ARPC1A: variants seen among roughly 807,000 people sequenced by gnomAD.
ARPC1A encodes actin-related protein 2/3 complex subunit 1A.
Under a neutral mutation model 46.9 loss-of-function variants are expected in ARPC1A, and 8 were observed. The ratio of observed to expected loss-of-function variants is 0.17; its 90% CI spans 0.10 to 0.31. ARPC1A has a LOEUF of 0.31. Ranked by LOEUF, ARPC1A falls within the 10% of genes least tolerant of loss-of-function variation. The probability of loss-of-function intolerance (pLI) is 1.00; values close to 1 mark genes in which losing one functional copy is unlikely to be tolerated. For missense variants in ARPC1A, 286 were observed against 483.6 expected (o/e 0.59, Z 3.83); for synonymous variants, 152 against 169.0 (o/e 0.90, Z 0.78).
intron 8 of ARPC1A, among the ~76,000 whole-genome samples, chr7:99,361,368 T>TTGGC (rs759440206): frequency 1.3e-5 from 2 of 151,806 alleles, no homozygotes; most frequent in Non-Finnish European, 2.9e-5. Context: ...GCTGGCTGTG[T>TTGGC]TGGCACGCAC....
At chr7:99,343,892 T>C (rs1793395540) in intron 3 of ARPC1A, among the ~76,000 whole-genome samples, 1 of 152,200 alleles carries the variant, frequency 6.6e-6, no homozygotes, top group South Asian at 2.1e-4. Flanking sequence ...TGTTGGTTAA[T>C]ATCATAGAAT....
intron 5 of ARPC1A, 92 bp downstream of exon 5, chr7:99,349,051 G>A: frequency 7.7e-7 from 1 of 1,295,096 alleles, no homozygotes; most frequent in Non-Finnish European, 1.1e-6. Flanking sequence ...TTTTTGTTTT[G>A]TTGTGGTTGT....
chr7:99,342,233 C>G (rs947893147), intron 3 of ARPC1A, among the ~76,000 whole-genome samples: 13 of 152,244 alleles, frequency 8.5e-5, no homozygotes, highest in African/African-American at 3.1e-4. Context: ...TTTCAGTTTG[C>G]ATCTCTAAAA....
intron 7 of ARPC1A, among the ~76,000 whole-genome samples, chr7:99,358,969 C>G (rs1007176315): frequency 1.3e-5 from 2 of 151,916 alleles, no homozygotes; most frequent in African/African-American, 4.8e-5. Flanking sequence ...GTAGCTGGGA[C>G]TACAGGCGCC....
chr7:99,350,197 A>G lies in ARPC1A; in HGVS notation c.500+1238A>G, dbSNP rs143558799. On this transcript the variant is annotated intron_variant, in intron 5 of 9. Coordinates refer to ENST00000262942, the MANE Select transcript of ARPC1A (RefSeq NM_006409.4). ...GATTTCCTTAAGTGTAAGAATATCT[A>G]TGGTTTAGAGGGGAGGATTAGCATG... Among the ~76,000 whole-genome samples the G allele has an allele frequency of 3.5e-3, 533 of 152,190 alleles. 1 individual carries two copies. Among genetic ancestry groups the G allele is most frequent in the African/African-American group, 0.012 (496 of 41,552 alleles).
intron 6 of ARPC1A, among the ~76,000 whole-genome samples, chr7:99,355,637 G>T (rs192988661): frequency 6.6e-6 from 1 of 151,838 alleles, no homozygotes; most frequent in South Asian, 2.1e-4. Context: ...CCAGCTACTC[G>T]GGAGGCTGAG....
chr7:99,342,135 G>A (rs758144148), intron 3 of ARPC1A, among the ~76,000 whole-genome samples: 1 of 152,078 alleles, frequency 6.6e-6, no homozygotes, highest in Non-Finnish European at 1.5e-5. Flanking sequence ...CACGATTATC[G>A]AGTAACAGCC....
At chr7:99,326,339 T>G (rs1793047549) in intron 1 of ARPC1A, among the ~76,000 whole-genome samples, 1 of 152,202 alleles carries the variant, frequency 6.6e-6, no homozygotes, top group Non-Finnish European at 1.5e-5. Context: ...TCTCCCGTAA[T>G]CGAGCGACCC....
rs997478963 is a variant in ARPC1A at position 99,366,090 on chromosome 7, T to G, written c.*161T>G. On this transcript the variant is annotated 3_prime_UTR_variant, in exon 10 of 10. Transcript: ENST00000262942. ...AATATAAAATTGGTGAAAGTGTTGG[T>G]TTTTTTAAGGCAGTAATTTTTTTGT... The G allele has an allele frequency of 1.0e-5, 9 of 863,598 alleles. No homozygotes were observed. Among genetic ancestry groups the G allele is most frequent in the Middle Eastern group, 3.5e-4 (1 of 2,850 alleles). The allele number at this position is 863,598 out of a possible 1,614,324, so 53.5% of individuals were successfully genotyped here.
intron 3 of ARPC1A, among the ~76,000 whole-genome samples, chr7:99,342,717 T>C (rs1047932663): frequency 1.1e-5 from 1 of 89,422 alleles, no homozygotes; most frequent in Non-Finnish European, 1.9e-5. Context: ...TTCATACTAC[T>C]TTTTTTTTTT....
At chr7:99,354,231 A>G in intron 6 of ARPC1A, 110 bp downstream of exon 6, 5 of 1,289,596 alleles carry the variant, frequency 3.9e-6, no homozygotes, top group Non-Finnish European at 5.3e-6. Flanking sequence ...AAACATAAAA[A>G]CCTTAATCAG....
At chr7:99,344,648 T>C in intron 4 of ARPC1A, 133 bp downstream of exon 4, 1 of 942,960 alleles carries the variant, frequency 1.1e-6, no homozygotes, top group East Asian at 2.6e-5. Context: ...CTCGATTCTG[T>C]CTGAGCATTT....
At chr7:99,329,490 T>C (rs1793108631) in intron 1 of ARPC1A, among the ~76,000 whole-genome samples, 1 of 152,232 alleles carries the variant, frequency 6.6e-6, no homozygotes, top group South Asian at 2.1e-4. Context: ...TAATTCAAGC[T>C]ATTAGGAATT....
At chr7:99,343,830 A>G (rs956082884) in intron 3 of ARPC1A, among the ~76,000 whole-genome samples, 1 of 152,166 alleles carries the variant, frequency 6.6e-6, no homozygotes, top group African/African-American at 2.4e-5. Flanking sequence ...TACACTAAAG[A>G]TTATTTTTAT....
At chr7:99,335,694 C>A (rs886164049) in intron 2 of ARPC1A, among the ~76,000 whole-genome samples, 1 of 152,130 alleles carries the variant, frequency 6.6e-6, no homozygotes, top group African/African-American at 2.4e-5. Context: ...GTGGCTCATA[C>A]CTGTAATCCC....
chr7:99,331,093 T>C (rs1793136983), intron 1 of ARPC1A, among the ~76,000 whole-genome samples: 1 of 152,226 alleles, frequency 6.6e-6, no homozygotes, highest in Non-Finnish European at 1.5e-5. Context: ...TTCTATATAT[T>C]TTCTGTCCTG....
At position 99,348,771 on chromosome 7, in the gene ARPC1A, A is replaced by G. The variant is rs560659521; in HGVS notation, c.393-81A>G. ...AAGGAAAAGTGTGGCCTACTTAGGT[A>G]TTTTCACCTGACATACATTTGTAGG... On this transcript the variant is annotated intron_variant, in intron 4 of 9. Transcript: ENST00000262942. 62 of 1,035,504 alleles carry G rather than the reference A, an allele frequency of 6.0e-5. No individual in the cohort carries two copies. The South Asian group carries it at 9.0e-4, about 15-fold the overall frequency. 64.1% of individuals were successfully genotyped at this position (1,035,504 alleles called of 1,614,324 possible). A position where few individuals can be genotyped will look rare whatever the true frequency, so the allele number is the denominator to read the frequency against.
intron 2 of ARPC1A, among the ~76,000 whole-genome samples, chr7:99,334,248 G>T (rs1364533461): frequency 1.3e-5 from 2 of 151,954 alleles, no homozygotes; most frequent in Admixed American, 6.6e-5. Context: ...TGTAATCCCA[G>T]CTACTCAGGA....
intron 7 of ARPC1A, 120 bp downstream of exon 7, chr7:99,358,535 A>AATTT: frequency 1.9e-6 from 1 of 516,458 alleles, no homozygotes; most frequent in Non-Finnish European, 3.0e-6. Flanking sequence ...AACAGAGCTC[A>AATTT]CTTTTTTTTT....
Sources: allele counts gnomAD v4.1 joint callset (sites outside exome capture counted in the v4.1 genomes callset), GRCh38; gene constraint gnomAD v4.1.1; transcripts MANE v1.5; gene names NCBI Gene and HGNC (gene_info 2026-07-23, HGNC 2026-07-21).